The following VASH1 variants were observed in gnomAD, a reference collection of about 807,000 sequenced individuals.
The protein encoded by VASH1 is tubulinyl-Tyr carboxypeptidase 1.
A neutral mutation model predicts 35.0 loss-of-function variants in VASH1; 16 were observed. The ratio of observed to expected loss-of-function variants is 0.46; its 90% confidence interval spans 0.31 to 0.70. VASH1 has a LOEUF of 0.70. Ranked by LOEUF, VASH1 falls within the 30% of genes least tolerant of loss-of-function variation. The pLI, the probability that VASH1 is intolerant of heterozygous loss-of-function variation, is 0.05. For synonymous variants in VASH1, 214 were observed against 200.9 expected, an observed-to-expected ratio of 1.07 and a Z score of -0.55; for missense variants, 505 against 510.7, an observed-to-expected ratio of 0.99 and a Z score of 0.11.
chr14:76,777,112 G>A (rs1190424724), intron 5 of VASH1, among the ~76,000 whole-genome samples: 4 of 152,216 alleles, frequency 2.6e-5, no homozygotes, highest in Non-Finnish European at 5.9e-5. Context: ...TGTGTTGCAG[G>A]TGCCTGCAGG....
chr14:76,778,025 C>G lies in VASH1; in HGVS notation c.979C>G (p.Arg327Gly). The G allele has an allele frequency of 6.5e-7, 1 of 1,541,188 alleles. No homozygotes were observed. Among genetic ancestry groups the G allele is most frequent in the Non-Finnish European group, 8.7e-7 (1 of 1,144,224 alleles). The change falls in exon 6 of 7, where the codon CGG becomes GGG. Residue 327 changes from arginine to glycine, a missense_variant. By Grantham distance (125) the Arg-to-Gly change is moderately radical (BLOSUM62 -2). Coordinates refer to ENST00000167106, the MANE Select transcript of VASH1 (RefSeq NM_014909.5). Reference protein sequence around the residue: ...DRKKDVSSPQRAQSSPHRRNS... With the variant: ...DRKKDVSSPQGAQSSPHRRNS... ...GAAGAAGGATGTTTCTTCCCCGCAG[C>G]GGGCCCAGTCCAGCCCCCACCGCAG...
chr14:76,779,264 A>G lies in VASH1; in HGVS notation c.*246A>G. On this transcript the variant is annotated 3_prime_UTR_variant, in exon 7 of 7. Coordinates refer to ENST00000167106, the MANE Select transcript of VASH1 (RefSeq NM_014909.5). ...TAACTCTACAACTGAAGTTTAAGGT[A>G]TTTGGGGAAAACTTAGTCCAAATGG... 1.4e-6 allele frequency: 1 copy of G among 701,382 alleles called. No individual in the cohort carries two copies. Among genetic ancestry groups the G allele is most frequent in the South Asian group, 1.5e-5 (1 of 66,878 alleles). The allele number at this position is 701,382 out of a possible 1,614,324, so 43.4% of individuals were successfully genotyped here.
chr14:76,778,395 G>C (rs1894006396), intron 6 of VASH1, among the ~76,000 whole-genome samples: 1 of 152,158 alleles, frequency 6.6e-6, no homozygotes, highest in Non-Finnish European at 1.5e-5. Flanking sequence ...GTGAATATTA[G>C]ATGGCTTTGA....
Position 76,776,406 on chromosome 14 carries a change from A to G in VASH1, c.912+133A>G, listed in dbSNP as rs960341900. On this transcript the variant is annotated intron_variant, in intron 5 of 6. Coordinates refer to ENST00000167106, the MANE Select transcript of VASH1 (RefSeq NM_014909.5). ...GCTGGGACCTTGCTTAGTGGTCGAT[A>G]TTGTTCAGGTGGTCCCCTGGGGTGG... 6 of 1,237,356 alleles carry G rather than the reference A, an allele frequency of 4.8e-6. No homozygotes were observed. In the Admixed American group the frequency reaches 8.5e-5, roughly 18 times the overall value. 76.6% of individuals were successfully genotyped at this position (1,237,356 alleles called of 1,614,324 possible).
intron 1 of VASH1, among the ~76,000 whole-genome samples, chr14:76,766,787 C>T (rs1005372774): frequency 3.3e-5 from 5 of 152,132 alleles, no homozygotes; most frequent in Admixed American, 2.0e-4. Flanking sequence ...TTAGCATGTG[C>T]GAGGCACACT....
At chr14:76,778,150 TTTA>T (rs1595280134) in intron 6 of VASH1, 79 bp downstream of exon 6, 15 of 1,075,992 alleles carry the variant, frequency 1.4e-5, no homozygotes, top group African/African-American at 1.7e-5. Context: ...CCTTTTTTTT[TTTA>T]TCTCTCTCCC....
chr14:76,775,470 A>G (rs1220074793), intron 4 of VASH1, among the ~76,000 whole-genome samples: 1 of 152,086 alleles, frequency 6.6e-6, no homozygotes, highest in Non-Finnish European at 1.5e-5. Flanking sequence ...GGGAGAGGAC[A>G]GGGTGAGGGT....
chr14:76,773,397 A>G, intron 4 of VASH1, 186 bp downstream of exon 4: 1 of 604,356 alleles, frequency 1.7e-6, no homozygotes, highest in East Asian at 2.8e-5. Flanking sequence ...AGGAGCCCCG[A>G]GGTCCCAGTA....
At chr14:76,768,421 C>T (rs3783996) in intron 1 of VASH1, among the ~76,000 whole-genome samples, 24,989 of 152,104 alleles carry the variant, frequency 0.16, 2,292 homozygotes, top group East Asian at 0.23. Context: ...CTAGGGACTC[C>T]CCAGACAGGA....
At chr14:76,769,506 A>C (rs1033986870) in intron 1 of VASH1, 2 of 1,287,644 alleles carry the variant, frequency 1.6e-6, no homozygotes, top group Non-Finnish European at 2.0e-6. Flanking sequence ...CACCCCCCTC[A>C]GGACCACTCC....
Position 76,762,956 on chromosome 14 carries a change from A to AGAAGAG in VASH1, c.140_145dup (p.Glu47_Glu48dup), listed in dbSNP as rs1566680455. ...CCTCAGCCCAGAGAGATGAGGAGCC[A>AGAAGAG]GAAGAGGAAGGGGAAGAGGACCTGC... On this transcript the variant is annotated inframe_insertion, in exon 1 of 7. Transcript: ENST00000167106. The AGAAGAG allele has an allele frequency of 6.4e-7, 1 of 1,561,836 alleles. No homozygotes were observed. Among genetic ancestry groups the AGAAGAG allele is most frequent in the Non-Finnish European group, 8.7e-7 (1 of 1,153,236 alleles).
Position 76,763,108 on chromosome 14 carries a change from G to C in VASH1, c.287G>C (p.Arg96Pro). 1 of 1,491,496 alleles carries C rather than the reference G, an allele frequency of 6.7e-7. No homozygotes were observed. The highest frequency in any genetic ancestry group is 9.0e-7 in the Non-Finnish European group (1 of 1,114,260). 92.4% of individuals were successfully genotyped at this position (1,491,496 alleles called of 1,614,324 possible). ...GGAGAGAAGGTGGCGCAACGGATCC[G>C]TGGGGCCACAGACCTGCCCAAGGTG... ...PDGEKVAQRI[R>P]GATDLPKIPI... is the part of the protein sequence containing the mutation. Residue 96 changes from arginine to proline, a missense_variant, in exon 1 of 7, where the codon CGT (arginine) becomes CCT (proline). Physicochemically the swap from Arg to Pro is moderately radical, Grantham distance 103. Transcript: ENST00000167106.
intron 4 of VASH1, chr14:76,773,649 AC>A (rs1296701252): frequency 2.3e-4 from 44 of 187,904 alleles, no homozygotes; most frequent in South Asian, 1.0e-3. Context: ...AAAAAAAAAA[AC>A]CACAAACAAG....
chr14:76,772,404 A>T (rs1475566539), intron 3 of VASH1, among the ~76,000 whole-genome samples: 1 of 152,120 alleles, frequency 6.6e-6, no homozygotes, highest in Non-Finnish European at 1.5e-5. Context: ...CACCCTCCCT[A>T]TCCCCAAAGC....
intron 1 of VASH1, among the ~76,000 whole-genome samples, chr14:76,768,675 C>G (rs1335804042): frequency 6.6e-6 from 1 of 152,140 alleles, no homozygotes; most frequent in Admixed American, 6.5e-5. Context: ...GCTGGCATCT[C>G]CACCACTCGA....
chr14:76,778,841 G>C, intron 6 of VASH1, 105 bp from the exon 7 acceptor site: 2 of 1,123,594 alleles, frequency 1.8e-6, no homozygotes, highest in Non-Finnish European at 2.7e-6. Flanking sequence ...GGGCCACTTG[G>C]AGAATGTGGC....
intron 3 of VASH1, among the ~76,000 whole-genome samples, chr14:76,772,400 C>T (rs888393773): frequency 1.3e-5 from 2 of 152,202 alleles, no homozygotes; most frequent in Non-Finnish European, 2.9e-5. Flanking sequence ...AGTCCACCCT[C>T]CCTATCCCCA....
chr14:76,766,978 G>A (rs888233727), intron 1 of VASH1, among the ~76,000 whole-genome samples: 1 of 152,024 alleles, frequency 6.6e-6, no homozygotes, highest in African/African-American at 2.4e-5. Flanking sequence ...CGACTAGGCC[G>A]GGTGCGGTGT....
chr14:76,769,335 C>T, intron 1 of VASH1: 3 of 1,289,166 alleles, frequency 2.3e-6, no homozygotes, highest in Non-Finnish European at 3.0e-6. Flanking sequence ...GACCCGGCCC[C>T]TCTGTGCATG....
Sources: allele counts gnomAD v4.1 joint callset (sites outside exome capture counted in the v4.1 genomes callset), GRCh38; gene constraint gnomAD v4.1.1; transcripts MANE v1.5; gene names NCBI Gene and HGNC (gene_info 2026-07-23, HGNC 2026-07-21).